Variants in ASPRV1 observed in about 807,000 individuals in gnomAD.
ASPRV1 encodes the protein retroviral-like aspartic protease 1.
In ASPRV1, 7 loss-of-function variants were observed where a neutral mutation model predicts 11.0. That is an observed-to-expected ratio of 0.64 (90% CI 0.36 to 1.20). ASPRV1 has a LOEUF of 1.20. ASPRV1 is among the 50% of genes most tolerant of loss of function. The pLI is 0.02. For missense variants in ASPRV1, 299 were observed against 320.0 expected (o/e 0.93, Z 0.50); for synonymous variants, 136 against 138.4 (o/e 0.98, Z 0.12).
chr2:69,956,175 A>G (rs1381265689), downstream of ASPRV1, among the ~76,000 whole-genome samples: 1 of 152,226 alleles, frequency 6.6e-6, no homozygotes, highest in African/African-American at 2.4e-5. Flanking sequence ...TTGAGCATCA[A>G]AATAAATAAT....
the ASPRV1 span, chr2:69,937,397 G>A: frequency 6.2e-7 from 1 of 1,600,582 alleles, no homozygotes; most frequent in Non-Finnish European, 8.5e-7. Context: ...CGACAGGGGT[G>A]AGCCTCTCTC....
chr2:70,044,752 C>A, the ASPRV1 span, among the ~76,000 whole-genome samples: 1 of 152,362 alleles, frequency 6.6e-6, no homozygotes, highest in African/African-American at 2.4e-5. Context: ...AGCCACCACG[C>A]CTGGCTGAGA....
At chr2:69,965,220 T>C (rs1232573807), upstream of ASPRV1, among the ~76,000 whole-genome samples, 1 of 152,136 alleles carries the variant, frequency 6.6e-6, no homozygotes, top group Non-Finnish European at 1.5e-5. Flanking sequence ...TTCATATTTT[T>C]AGTAAAGACA....
At chr2:69,984,610 C>CTTTTTTT in the ASPRV1 span, among the ~76,000 whole-genome samples, 13 of 65,356 alleles carry the variant, frequency 2.0e-4, 2 homozygotes, top group African/African-American at 8.7e-4. Flanking sequence ...TCAGGTCCAG[C>CTTTTTTT]TTTTTTTTTT....
chr2:70,033,695 C>A, the ASPRV1 span, among the ~76,000 whole-genome samples: 1 of 152,178 alleles, frequency 6.6e-6, no homozygotes, highest in African/African-American at 2.4e-5. Flanking sequence ...AATTAAGCCA[C>A]CCCTCTTTAG....
At chr2:70,072,183 C>T in the ASPRV1 span, among the ~76,000 whole-genome samples, 1 of 151,668 alleles carries the variant, frequency 6.6e-6, no homozygotes, top group African/African-American at 2.4e-5. Flanking sequence ...AACTCCTGGC[C>T]TCAAGTGATC....
In ASPRV1 at chr2:69,960,108, T is replaced by G. The variant is rs938571552; in HGVS notation, c.*549A>C. The G allele has an allele frequency of 6.5e-6, 1 of 153,952 alleles. No homozygotes were observed. The highest frequency in any genetic ancestry group is 1.4e-5 in the Non-Finnish European group (1 of 69,202). 9.5% of individuals were successfully genotyped at this position (153,952 alleles called of 1,614,324 possible). Reference sequence around the variant, plus strand: ...ACATGGTTTTTCCATGAATCAATCTTTATTGGTGTTTGCAGCAATTGAATT... The same window carrying G: ...ACATGGTTTTTCCATGAATCAATCTGTATTGGTGTTTGCAGCAATTGAATT... On this transcript the variant is annotated 3_prime_UTR_variant, in exon 1 of 1. Transcript: ENST00000320256.
the ASPRV1 span, among the ~76,000 whole-genome samples, chr2:69,946,946 G>C: frequency 3.3e-5 from 5 of 152,200 alleles, no homozygotes; most frequent in Admixed American, 3.3e-4. Flanking sequence ...CAGAGAGAGA[G>C]ACAGAGGGAA....
the ASPRV1 span, chr2:70,071,835 G>A: frequency 6.6e-6 from 1 of 152,138 alleles, no homozygotes; most frequent in Non-Finnish European, 1.5e-5. Context: ...AGGGCACAGT[G>A]GCTCATGCCT....
the ASPRV1 span, chr2:70,056,461 C>T: frequency 4.0e-5 from 6 of 151,468 alleles, no homozygotes; most frequent in Admixed American, 1.3e-4. Flanking sequence ...AAAAATTAGC[C>T]GGGCGTGGTA....
the ASPRV1 span, among the ~76,000 whole-genome samples, chr2:70,074,258 G>C: frequency 1.3e-5 from 2 of 150,608 alleles, no homozygotes; most frequent in East Asian, 3.9e-4. Flanking sequence ...GAACATCAGA[G>C]TTCAAAGAGA....
chr2:70,075,436 T>C, the ASPRV1 span, among the ~76,000 whole-genome samples: 15 of 151,808 alleles, frequency 9.9e-5, no homozygotes, highest in African/African-American at 2.9e-4. Context: ...ACTGTGCAAC[T>C]TGAAGCAAGT....
chr2:70,054,867 C>G, the ASPRV1 span, among the ~76,000 whole-genome samples: 2 of 152,094 alleles, frequency 1.3e-5, no homozygotes, highest in Non-Finnish European at 2.9e-5. Context: ...AAAGAGTCTC[C>G]TCTTTGCTGT....
the ASPRV1 span, among the ~76,000 whole-genome samples, chr2:70,000,871 A>C: frequency 1.3e-5 from 2 of 151,836 alleles, no homozygotes; most frequent in African/African-American, 4.8e-5. Flanking sequence ...AATTCATCAG[A>C]AAGAATTACC....
chr2:70,072,896 T>TA, the ASPRV1 span, among the ~76,000 whole-genome samples: 20,699 of 70,344 alleles, frequency 0.29, 2,854 homozygotes, highest in South Asian at 0.44. Flanking sequence ...TATAAAAAAC[T>TA]AAAAAAAAAA....
At chr2:69,961,727 C>T, upstream of ASPRV1, 1 of 1,515,586 alleles carries the variant, frequency 6.6e-7, no homozygotes, top group Non-Finnish European at 8.8e-7. Flanking sequence ...CCTCACCCCG[C>T]CCTCCTGCCA....
chr2:69,984,905 A>G, the ASPRV1 span, among the ~76,000 whole-genome samples: 1 of 140,728 alleles, frequency 7.1e-6, no homozygotes, highest in Non-Finnish European at 1.5e-5. Flanking sequence ...CGCCCAGGCT[A>G]GAGGGCAGTG....
the ASPRV1 span, among the ~76,000 whole-genome samples, chr2:70,059,179 C>T: frequency 3.3e-5 from 5 of 151,904 alleles, no homozygotes; most frequent in Admixed American, 1.3e-4. Flanking sequence ...GCGTGAGCCA[C>T]CGTGCCTGGC....
chr2:69,945,110 C>T, the ASPRV1 span, among the ~76,000 whole-genome samples: 1 of 152,066 alleles, frequency 6.6e-6, no homozygotes, highest in Non-Finnish European at 1.5e-5. Context: ...ATAAAGGACA[C>T]GTAGGCCTGT....
Sources: allele counts gnomAD v4.1 joint callset (sites outside exome capture counted in the v4.1 genomes callset), GRCh38; gene constraint gnomAD v4.1.1; transcripts MANE v1.5; gene names NCBI Gene and HGNC (gene_info 2026-07-23, HGNC 2026-07-21).